MYT1L: variants seen among roughly 807,000 people sequenced by gnomAD.
MYT1L encodes myelin transcription factor 1 like.
MYT1L carries 12 observed loss-of-function variants against 126.7 expected under a neutral mutation model. That is an observed-to-expected ratio of 0.09 (90% CI 0.06 to 0.15). MYT1L has a LOEUF of 0.15. Ranked by LOEUF, MYT1L falls within the 10% of genes least tolerant of loss-of-function variation. The pLI, the probability that MYT1L is intolerant of heterozygous loss-of-function variation, is 1.00. For synonymous variants in MYT1L, 541 were observed against 604.2 expected (o/e 0.90, Z 1.53); for missense variants, 979 against 1,585.2 (o/e 0.62, Z 6.49).
At chr2:2,108,450 A>G (rs1473280178) in intron 3 of MYT1L, among the ~76,000 whole-genome samples, 1 of 152,196 alleles carries the variant, frequency 6.6e-6, no homozygotes, top group Non-Finnish European at 1.5e-5. Flanking sequence ...GTCTGCTGCC[A>G]TATTTATGCA....
chr2:1,845,412 A>G (rs2042364179), intron 19 of MYT1L, among the ~76,000 whole-genome samples: 1 of 152,108 alleles, frequency 6.6e-6, no homozygotes, highest in African/African-American at 2.4e-5. Flanking sequence ...TAAGAATCCC[A>G]AAGTTAATGT....
chr2:2,005,836 CT>C (rs1327969098), intron 4 of MYT1L, among the ~76,000 whole-genome samples: 1 of 147,436 alleles, frequency 6.8e-6, no homozygotes, highest in Non-Finnish European at 1.5e-5. Flanking sequence ...TGCATGCCTT[CT>C]TTCCTGCCTG....
At chr2:1,831,184 C>T in intron 21 of MYT1L, among the ~76,000 whole-genome samples, 1 of 150,500 alleles carries the variant, frequency 6.6e-6, no homozygotes, top group African/African-American at 2.4e-5. Context: ...CCAGATGGAG[C>T]AGATGGAGCT....
At chr2:2,113,528 T>C (rs1432087318) in intron 3 of MYT1L, among the ~76,000 whole-genome samples, 2 of 152,178 alleles carry the variant, frequency 1.3e-5, no homozygotes, top group African/African-American at 2.4e-5. Context: ...AAATGTAAGG[T>C]GGGGCCCGCA....
At chr2:2,182,004 C>G (rs2091589080) in intron 2 of MYT1L, among the ~76,000 whole-genome samples, 1 of 152,184 alleles carries the variant, frequency 6.6e-6, no homozygotes, top group Non-Finnish European at 1.5e-5. Context: ...GACAAGTGTC[C>G]ACCCTGGCAG....
chr2:2,027,580 T>C (rs887599417), intron 4 of MYT1L, among the ~76,000 whole-genome samples: 2 of 152,242 alleles, frequency 1.3e-5, no homozygotes, highest in African/African-American at 4.8e-5. Flanking sequence ...ATTATTCTAA[T>C]GTATCATAGA....
intron 4 of MYT1L, among the ~76,000 whole-genome samples, chr2:2,004,081 A>T (rs567711419): frequency 9.1e-6 from 1 of 109,326 alleles, no homozygotes; most frequent in Non-Finnish European, 1.9e-5. Flanking sequence ...TTTCCTGCAT[A>T]TGTTCTTTCC....
intron 3 of MYT1L, among the ~76,000 whole-genome samples, chr2:2,133,301 A>C (rs2082625628): frequency 6.6e-6 from 1 of 152,194 alleles, no homozygotes; most frequent in South Asian, 2.1e-4. Flanking sequence ...ACTTCTCCCA[A>C]CATTTGCAAA....
At chr2:2,138,359 A>G (rs1374518724) in intron 3 of MYT1L, among the ~76,000 whole-genome samples, 2 of 145,714 alleles carry the variant, frequency 1.4e-5, no homozygotes, top group African/African-American at 2.6e-5. Context: ...TACCCAAAGG[A>G]CTATAAATCA....
chr2:2,005,264 GTTCTTTCCTGTGT>G (rs2063120378), intron 4 of MYT1L, among the ~76,000 whole-genome samples: 1 of 125,652 alleles, frequency 8.0e-6, no homozygotes, highest in African/African-American at 3.1e-5. Flanking sequence ...TCCTGCATAC[GTTCTTTCCTGTGT>G]GCCTTCTTTC....
intron 2 of MYT1L, among the ~76,000 whole-genome samples, chr2:2,208,406 T>G (rs2093388489): frequency 6.6e-6 from 1 of 152,110 alleles, no homozygotes; most frequent in African/African-American, 2.4e-5. Flanking sequence ...CAGCCAGCAG[T>G]TCGGCAGGAC....
intron 18 of MYT1L, among the ~76,000 whole-genome samples, chr2:1,873,808 C>T (rs938500151): frequency 2.6e-5 from 4 of 152,148 alleles, no homozygotes; most frequent in African/African-American, 9.7e-5. Context: ...TCTTGACTTC[C>T]TGAGAGTAGA....
intron 3 of MYT1L, among the ~76,000 whole-genome samples, chr2:2,099,201 G>C (rs1319424231): frequency 6.6e-6 from 1 of 152,094 alleles, no homozygotes; most frequent in Non-Finnish European, 1.5e-5. Flanking sequence ...GTAAGTTGCT[G>C]CTGCAACATG....
chr2:2,297,136 A>C (rs1356471190), intron 1 of MYT1L, among the ~76,000 whole-genome samples: 2 of 152,192 alleles, frequency 1.3e-5, no homozygotes, highest in African/African-American at 4.8e-5. Flanking sequence ...CACAAGTATC[A>C]GGGGACCTCC....
In MYT1L at chr2:1,951,308, A is replaced by G. The variant is rs544685249; in HGVS notation, c.153-7974T>C. On this transcript the variant is annotated intron_variant, in intron 8 of 24. Transcript: ENST00000647738. ...CTCCACCCTGAACCCTTAGGGACAC[A>G]GGGGTTTGGGGACTGGGGAGGGAAG... Among the ~76,000 whole-genome samples, 71 of 151,718 alleles carry G rather than the reference A, an allele frequency of 4.7e-4. No homozygotes were observed. The South Asian group carries it at 0.015, about 32-fold the overall frequency.
intron 3 of MYT1L, among the ~76,000 whole-genome samples, chr2:2,114,606 T>C (rs1289220158): frequency 6.6e-6 from 1 of 152,214 alleles, no homozygotes; most frequent in African/African-American, 2.4e-5. Flanking sequence ...TAATACTTTT[T>C]TAAAAGCAGG....
chr2:2,302,027 A>T (rs2095794223), intron 1 of MYT1L, among the ~76,000 whole-genome samples: 1 of 152,186 alleles, frequency 6.6e-6, no homozygotes, highest in Non-Finnish European at 1.5e-5. Context: ...GGGCAGGCTC[A>T]TCAATGGCCC....
chr2:2,219,061 G>A (rs1312737088), intron 2 of MYT1L, among the ~76,000 whole-genome samples: 1 of 152,182 alleles, frequency 6.6e-6, no homozygotes, highest in East Asian at 1.9e-4. Flanking sequence ...TACTTTAGTG[G>A]AAGGGAGGAA....
At chr2:2,191,533 G>C (rs1021392146) in intron 2 of MYT1L, among the ~76,000 whole-genome samples, 6 of 152,182 alleles carry the variant, frequency 3.9e-5, no homozygotes, top group Non-Finnish European at 8.8e-5. Flanking sequence ...ACAGGAAGCA[G>C]AATCCTTTCA....
Sources: allele counts gnomAD v4.1 joint callset (sites outside exome capture counted in the v4.1 genomes callset), GRCh38; gene constraint gnomAD v4.1.1; transcripts MANE v1.5; gene names NCBI Gene and HGNC (gene_info 2026-07-23, HGNC 2026-07-21).